The following BMPER variants were observed in gnomAD, a reference collection of about 807,000 sequenced individuals.
BMPER encodes the protein BMP binding endothelial regulator, also known as BMP-binding endothelial regulator protein.
Under a neutral mutation model 87.3 loss-of-function variants are expected in BMPER, and 45 were observed. The ratio of observed to expected loss-of-function variants is 0.52; its 90% CI spans 0.41 to 0.66. The LOEUF (loss-of-function observed/expected upper bound fraction) is 0.66, where lower values mean the gene tolerates loss of function less well. BMPER is among the 30% of genes least tolerant of loss of function. BMPER has a pLI of 0.00. For synonymous variants in BMPER, 326 were observed against 316.2 expected (o/e 1.03, Z -0.33); for missense variants, 784 against 867.5 (o/e 0.90, Z 1.21).
rs59800882 is a variant in BMPER at position 34,144,760 on chromosome 7, G to A, written c.1876+1400G>A. Among the ~76,000 whole-genome samples, 664 of 152,276 alleles carry A rather than the reference G, an allele frequency of 4.4e-3. 4 individuals are homozygous for A. Among genetic ancestry groups the A allele is most frequent in the African/African-American group, 0.015 (640 of 41,530 alleles). On this transcript the variant is annotated intron_variant, in intron 14 of 14. Coordinates refer to ENST00000649409, the MANE Select transcript of BMPER (RefSeq NM_001365308.1). ...GAAATGACTGAATAGTTGTCACCTG[G>A]TTCAAGGATTGGCAAATTTTTGTTT...
In BMPER at chr7:33,973,063, T is replaced by C. The variant is rs867998922; in HGVS notation, c.494-1639T>C. On this transcript the variant is annotated intron_variant, in intron 5 of 14. Coordinates refer to ENST00000649409, the MANE Select transcript of BMPER (RefSeq NM_001365308.1). The stretch of plus-strand genomic sequence containing the variant: ...GGTCAGTTTCTTCCCGAAGCAGATT[T>C]TAGGGCATTCTTGGTCGACTGCTCC... Among the ~76,000 whole-genome samples the C allele has an allele frequency of 3.9e-5, 6 of 152,348 alleles. No individual in the cohort carries two copies. The South Asian group carries it at 1.2e-3, about 32-fold the overall frequency.
intron 11 of BMPER, among the ~76,000 whole-genome samples, chr7:34,074,901 T>A (rs1788823679): frequency 6.6e-6 from 1 of 152,250 alleles, no homozygotes; most frequent in African/African-American, 2.4e-5. Context: ...AGTGGCTGTT[T>A]CTTATTGGCA....
At chr7:33,977,857 A>T (rs560290761) in intron 6 of BMPER, among the ~76,000 whole-genome samples, 1 of 152,210 alleles carries the variant, frequency 6.6e-6, no homozygotes, top group Non-Finnish European at 1.5e-5. Context: ...TCTAACATAC[A>T]CATGTTTAAG....
chr7:34,137,821 G>A (rs1026181656), intron 13 of BMPER, among the ~76,000 whole-genome samples: 2 of 152,220 alleles, frequency 1.3e-5, no homozygotes, highest in African/African-American at 2.4e-5. Flanking sequence ...TAGAAAAGTA[G>A]GCTGAAGTCT....
intron 7 of BMPER, among the ~76,000 whole-genome samples, chr7:34,051,618 A>C (rs866104315): frequency 6.6e-6 from 1 of 152,206 alleles, no homozygotes; most frequent in Non-Finnish European, 1.5e-5. Context: ...TGTGATGAAC[A>C]CATTATAGAT....
intron 13 of BMPER, among the ~76,000 whole-genome samples, chr7:34,099,458 A>G (rs1314889855): frequency 6.6e-6 from 1 of 152,196 alleles, no homozygotes; most frequent in African/African-American, 2.4e-5. Flanking sequence ...CTTTTCAACA[A>G]AATTTTCTGT....
At chr7:33,926,455 T>G (rs1425388442) in intron 2 of BMPER, among the ~76,000 whole-genome samples, 1 of 152,250 alleles carries the variant, frequency 6.6e-6, no homozygotes, top group Non-Finnish European at 1.5e-5. Context: ...TGTGAATCCC[T>G]TCAGCAACAA....
intron 13 of BMPER, among the ~76,000 whole-genome samples, chr7:34,118,221 C>T (rs1232023315): frequency 1.3e-5 from 2 of 152,148 alleles, no homozygotes; most frequent in Non-Finnish European, 2.9e-5. Context: ...AGGAGAATCG[C>T]TTGAACCCGG....
intron 13 of BMPER, among the ~76,000 whole-genome samples, chr7:34,087,334 T>C (rs1305077910): frequency 2.0e-5 from 3 of 152,140 alleles, no homozygotes; most frequent in Non-Finnish European, 4.4e-5. Flanking sequence ...GACTTTGCAG[T>C]GAGTTAAACA....
At chr7:34,073,957 G>C (rs544913057) in intron 11 of BMPER, among the ~76,000 whole-genome samples, 1 of 152,346 alleles carries the variant, frequency 6.6e-6, no homozygotes, top group South Asian at 2.1e-4. Context: ...CCCAGGTGAG[G>C]GGGGCCAGCA....
intron 6 of BMPER, among the ~76,000 whole-genome samples, chr7:34,044,218 T>G (rs1328313756): frequency 6.6e-6 from 1 of 152,230 alleles, no homozygotes; most frequent in Non-Finnish European, 1.5e-5. Context: ...TTGTCCTTAT[T>G]GTAAGGAAAA....
At chr7:34,061,965 TA>T in intron 10 of BMPER, 36 bp from the exon 11 acceptor site, 4 of 1,519,746 alleles carry the variant, frequency 2.6e-6, no homozygotes, top group African/African-American at 2.8e-5. Context: ...TTTTTTTTTT[TA>T]AACAGTAACT....
At chr7:33,932,737 A>G (rs1053167431) in intron 2 of BMPER, among the ~76,000 whole-genome samples, 2 of 152,138 alleles carry the variant, frequency 1.3e-5, no homozygotes, top group African/African-American at 4.8e-5. Flanking sequence ...ATTATTTTTT[A>G]TTATAAATGA....
At chr7:33,994,051 C>A (rs1044875753) in intron 6 of BMPER, among the ~76,000 whole-genome samples, 3 of 152,226 alleles carry the variant, frequency 2.0e-5, no homozygotes, top group Non-Finnish European at 4.4e-5. Context: ...TTTAAGTCTG[C>A]AGAGGTTACT....
intron 3 of BMPER, among the ~76,000 whole-genome samples, chr7:33,956,343 A>T (rs532799362): frequency 6.6e-6 from 1 of 152,374 alleles, no homozygotes; most frequent in Admixed American, 6.5e-5. Flanking sequence ...CAGAGTATAT[A>T]CAGGTGGCAA....
intron 13 of BMPER, among the ~76,000 whole-genome samples, chr7:34,104,070 C>T (rs1274308209): frequency 2.0e-5 from 3 of 152,236 alleles, no homozygotes; most frequent in African/African-American, 7.2e-5. Flanking sequence ...TTGGTGCTTT[C>T]CACTGGACAT....
At chr7:34,057,831 A>AACACACACACACAC (rs113240345) in intron 9 of BMPER, among the ~76,000 whole-genome samples, 1 of 148,896 alleles carries the variant, frequency 6.7e-6, no homozygotes, top group African/African-American at 2.5e-5. Context: ...CAGGAGGGGG[A>AACACACACACACAC]ACACACACAC....
At chr7:33,970,884 C>T (rs1287438234) in intron 5 of BMPER, among the ~76,000 whole-genome samples, 1 of 152,004 alleles carries the variant, frequency 6.6e-6, no homozygotes, top group Admixed American at 6.5e-5. Flanking sequence ...AAGGTGGACC[C>T]TCTTGTCTTT....
intron 13 of BMPER, among the ~76,000 whole-genome samples, chr7:34,088,458 G>T (rs1789281721): frequency 6.6e-6 from 1 of 152,216 alleles, no homozygotes; most frequent in African/African-American, 2.4e-5. Context: ...AATGTGGAAA[G>T]ATATTCTCTT....
Sources: allele counts gnomAD v4.1 joint callset (sites outside exome capture counted in the v4.1 genomes callset), GRCh38; gene constraint gnomAD v4.1.1; transcripts MANE v1.5; gene names NCBI Gene and HGNC (gene_info 2026-07-23, HGNC 2026-07-21).